The following SLC66A2 variants were observed in gnomAD, a reference collection of about 807,000 sequenced individuals.
The protein encoded by SLC66A2 is solute carrier family 66 member 2.
A neutral mutation model predicts 25.5 loss-of-function variants in SLC66A2; 23 were observed. The ratio of observed to expected loss-of-function variants is 0.90; its 90% CI spans 0.65 to 1.28. The LOEUF (loss-of-function observed/expected upper bound fraction) is 1.28, where lower values mean the gene tolerates loss of function less well. Ranked by LOEUF, SLC66A2 falls within the 50% of genes most tolerant of loss-of-function variation. The pLI, the probability that SLC66A2 is intolerant of heterozygous loss-of-function variation, is 0.00. For synonymous variants in SLC66A2, 193 were observed against 166.5 expected (o/e 1.16, Z -1.23); for missense variants, 396 against 373.1 (o/e 1.06, Z -0.51).
intron 2 of SLC66A2, among the ~76,000 whole-genome samples, chr18:79,944,875 C>A (rs1371625443): frequency 6.6e-6 from 1 of 150,906 alleles, no homozygotes; most frequent in East Asian, 1.9e-4. Context: ...GCAGCCCCCT[C>A]AGCAACCCCT....
At chr18:79,915,723 C>G (rs1983906991) in intron 5 of SLC66A2, 1 of 152,164 alleles carries the variant, frequency 6.6e-6, no homozygotes, top group Non-Finnish European at 1.5e-5. Context: ...GAAGTTAGCC[C>G]AGGTGATCTC....
Position 79,918,402 on chromosome 18 carries a change from C to A in SLC66A2, c.608+782G>T. Among the ~76,000 whole-genome samples, 1 of 135,888 alleles carries A rather than the reference C, an allele frequency of 7.4e-6. No individual in the cohort carries two copies. Among genetic ancestry groups the A allele is most frequent in the South Asian group, 2.3e-4 (1 of 4,284 alleles). 89.1% of individuals were successfully genotyped at this position (135,888 alleles called of 152,430 possible). On this transcript the variant is annotated intron_variant, in intron 5 of 5. Transcript: ENST00000397778. The surrounding 1 kb of genome is among the most constrained non-coding windows in gnomAD (Gnocchi z 4.0). Reference sequence around the variant, plus strand: ...AGGAGCGGGCACCGGGGGGCGGATCCCCAGTGAGGAGCGGGCCCGGGGGGG... The same window carrying A: ...AGGAGCGGGCACCGGGGGGCGGATCACCAGTGAGGAGCGGGCCCGGGGGGG...
intron 2 of SLC66A2, among the ~76,000 whole-genome samples, chr18:79,947,900 G>A (rs1372348722): frequency 1.3e-5 from 2 of 152,178 alleles, no homozygotes; most frequent in Non-Finnish European, 2.9e-5. Context: ...AGGACCTGGG[G>A]ACCGGGTGGG....
At chr18:79,925,324 C>A (rs117668325) in intron 4 of SLC66A2, among the ~76,000 whole-genome samples, 2 of 152,158 alleles carry the variant, frequency 1.3e-5, no homozygotes, top group African/African-American at 2.4e-5. Flanking sequence ...AGGGCAAGAA[C>A]GCAATTAGGA....
At chr18:79,951,459 G>C (rs994422173) in intron 1 of SLC66A2, 122 bp downstream of exon 1, 4 of 153,214 alleles carry the variant, frequency 2.6e-5, no homozygotes, top group African/African-American at 9.6e-5. Context: ...GGAGGTGCCG[G>C]GCCGGGGACC....
chr18:79,928,387 T>C (rs1364003206), intron 4 of SLC66A2, among the ~76,000 whole-genome samples: 1 of 152,204 alleles, frequency 6.6e-6, no homozygotes, highest in African/African-American at 2.4e-5. Context: ...TCTGCCAGCC[T>C]GAAACCTTCT....
At chr18:79,934,125 CT>C (rs1426386872) in intron 3 of SLC66A2, 103 bp from the exon 4 acceptor site, 339 of 713,306 alleles carry the variant, frequency 4.8e-4, no homozygotes, top group Middle Eastern at 1.3e-3. Flanking sequence ...TTTTGCATTT[CT>C]TTAAAAAAAA....
intron 5 of SLC66A2, among the ~76,000 whole-genome samples, chr18:79,914,948 A>C (rs1983775344): frequency 6.6e-6 from 1 of 152,248 alleles, no homozygotes; most frequent in Non-Finnish European, 1.5e-5. Context: ...CTCGGGTGAT[A>C]CTAAAACCCA....
chr18:79,926,503 G>A (rs527962558), intron 4 of SLC66A2, among the ~76,000 whole-genome samples: 29 of 152,122 alleles, frequency 1.9e-4, no homozygotes, highest in South Asian at 1.5e-3. Context: ...GGCACCCTCG[G>A]GACCCACAGA....
rs540109886 is a variant in SLC66A2 at position 79,946,214 on chromosome 18, T to C, written c.204-2752A>G. On this transcript the variant is annotated intron_variant, in intron 2 of 5. Coordinates refer to ENST00000397778, the MANE Select transcript of SLC66A2 (RefSeq NM_025078.5). The stretch of plus-strand genomic sequence containing the variant: ...TGAAGTGACAGGGTGCCCGGGGAGA[T>C]AGTAAACTAATTTTAGGGTGAAGAC... 1.8e-3 allele frequency among the ~76,000 whole-genome samples: 273 copies of C among 148,466 alleles called. 1 individual carries two copies. Among genetic ancestry groups the C allele is most frequent in the African/African-American group, 6.0e-3 (246 of 40,718 alleles).
intron 5 of SLC66A2, among the ~76,000 whole-genome samples, chr18:79,905,225 TG>T (rs1981922395): frequency 6.6e-6 from 1 of 152,274 alleles, no homozygotes; most frequent in African/African-American, 2.4e-5. Flanking sequence ...GCTTTGGGAC[TG>T]TTTCCACTTG....
rs149245840 is a variant in SLC66A2, at chr18:79,924,548, T to G, written c.392-5148A>C. Among the ~76,000 whole-genome samples the G allele has an allele frequency of 5.8e-3, 889 of 152,324 alleles. 7 individuals carry two copies. Among genetic ancestry groups the G allele is most frequent in the African/African-American group, 0.02 (851 of 41,562 alleles). On this transcript the variant is annotated intron_variant, in intron 4 of 5. Transcript: ENST00000397778. The stretch of plus-strand genomic sequence containing the variant: ...GTAAATACACTAAAAACCACCGAAC[T>G]GTGCACTTTTAAATGGTGATAAAAT...
chr18:79,949,462 G>A (rs1168226717), intron 2 of SLC66A2: 2 of 152,180 alleles, frequency 1.3e-5, no homozygotes, highest in African/African-American at 2.4e-5. Context: ...TCAAGGGATC[G>A]AGACCATCCT....
At position 79,921,863 on chromosome 18, in the gene SLC66A2, A is replaced by G. The variant is rs796527745; in HGVS notation, c.392-2463T>C. ...GAGACAGGAACCGAGGGAGAGGTCA[A>G]GGTCAGTGAGGAGAGACGGGAACCG... is the stretch of plus-strand genomic sequence containing the variant. On this transcript the variant is annotated intron_variant, in intron 4 of 5. Coordinates refer to ENST00000397778, the MANE Select transcript of SLC66A2 (RefSeq NM_025078.5). 0.025 allele frequency among the ~76,000 whole-genome samples: 140 copies of G among 5,708 alleles called. 20 individuals carry two copies. In the Non-Finnish European group the frequency reaches 0.56, roughly 23 times the overall value. The allele number at this position is 5,708 out of a possible 152,430, so 3.7% of individuals were successfully genotyped here. A position where few individuals can be genotyped will look rare whatever the true frequency, so the allele number is the denominator to read the frequency against.
At position 79,937,964 on chromosome 18, in the gene SLC66A2, C is replaced by T. The variant is rs774919035; in HGVS notation, c.338-3942G>A. ...TTGAGAGGAGCTAAGGGAGAACCCA[C>T]GGATTTTTAAACAACAAAATCGTAT... On this transcript the variant is annotated intron_variant, in intron 3 of 5. Coordinates refer to ENST00000397778, the MANE Select transcript of SLC66A2 (RefSeq NM_025078.5). This position sits in a 1 kb window ranked among gnomAD's most constrained non-coding sequence, Gnocchi z 5.4. Among the ~76,000 whole-genome samples the T allele has an allele frequency of 3.3e-5, 5 of 152,056 alleles. No individual in the cohort carries two copies. Among genetic ancestry groups the T allele is most frequent in the African/African-American group, 9.7e-5 (4 of 41,380 alleles).
At chr18:79,942,597 A>C (rs756806427) in intron 3 of SLC66A2, among the ~76,000 whole-genome samples, 9 of 152,244 alleles carry the variant, frequency 5.9e-5, no homozygotes, top group Non-Finnish European at 1.3e-4. Flanking sequence ...TCTCAAAGCC[A>C]AAGTGAGTGC....
intron 2 of SLC66A2, 82 bp downstream of exon 2, chr18:79,950,642 G>T: frequency 1.4e-6 from 2 of 1,417,252 alleles, no homozygotes; most frequent in Non-Finnish European, 2.0e-6. Context: ...GGACCCTGCT[G>T]CTCCCCCGGC....
At chr18:79,914,208 G>A (rs543328679) in intron 5 of SLC66A2, among the ~76,000 whole-genome samples, 4 of 152,312 alleles carry the variant, frequency 2.6e-5, no homozygotes, top group South Asian at 2.1e-4. Context: ...CCAGCCCAAA[G>A]TCTTGGTTTT....
chr18:79,928,502 A>G (rs1402340823), intron 4 of SLC66A2, among the ~76,000 whole-genome samples: 2 of 152,312 alleles, frequency 1.3e-5, no homozygotes, highest in East Asian at 3.9e-4. Flanking sequence ...CTCCAGCAAC[A>G]TCACTGCCAG....
Sources: gnomAD v4.1 joint callset for allele counts (sites outside exome capture counted in the v4.1 genomes callset) on GRCh38, gnomAD v4.1.1 for gene constraint, Gnocchi (gnomAD v3.1) non-coding constraint, MANE v1.5 for transcripts, NCBI Gene and HGNC (gene_info 2026-07-23, HGNC 2026-07-21) for gene names.